Variants in GMDS observed in about 807,000 individuals in gnomAD.
GMDS encodes the protein GDP-mannose 4,6-dehydratase, also known as GDP-mannose 4,6 dehydratase.
GMDS carries 20 observed loss-of-function variants against 49.9 expected under a neutral mutation model. The observed-to-expected ratio is 0.40, with a 90% CI of 0.28 to 0.58. GMDS has a LOEUF of 0.58. Among genes scored for constraint, GMDS ranks in the 20% least tolerant of loss-of-function variants. GMDS has a pLI of 0.42. For missense variants in GMDS, 362 were observed against 481.4 expected, an observed-to-expected ratio of 0.75 and a Z score of 2.32; for synonymous variants, 177 against 178.6, an observed-to-expected ratio of 0.99 and a Z score of 0.07.
chr6:1,914,135 T>TG (rs1247068756), intron 7 of GMDS, among the ~76,000 whole-genome samples: 4 of 122,482 alleles, frequency 3.3e-5, no homozygotes, highest in Non-Finnish European at 6.9e-5. Context: ...TTGTTTGTTT[T>TG]TTTTTTTTTT....
At chr6:1,960,712 C>A in intron 5 of GMDS, 62 bp downstream of exon 5, 1 of 1,097,470 alleles carries the variant, frequency 9.1e-7, no homozygotes, top group Non-Finnish European at 1.3e-6. Flanking sequence ...AGGAAAAACA[C>A]ACACCCCCCA....
At chr6:1,832,432 A>T (rs1343339634) in intron 7 of GMDS, among the ~76,000 whole-genome samples, 2 of 152,010 alleles carry the variant, frequency 1.3e-5, no homozygotes, top group African/African-American at 4.8e-5. Flanking sequence ...TTAGAGATTA[A>T]TTTTTATTTG....
At chr6:2,114,018 C>G (rs549673470) in intron 4 of GMDS, among the ~76,000 whole-genome samples, 8 of 152,100 alleles carry the variant, frequency 5.3e-5, no homozygotes, top group Non-Finnish European at 1.0e-4. Flanking sequence ...CACACCAGAA[C>G]GATAACAAAA....
chr6:2,208,821 A>C (rs1222938669), intron 1 of GMDS, among the ~76,000 whole-genome samples: 1 of 151,544 alleles, frequency 6.6e-6, no homozygotes. Flanking sequence ...ATTATCACTA[A>C]CTGAATTCTA....
At chr6:1,770,185 C>A (rs1190636064) in intron 7 of GMDS, among the ~76,000 whole-genome samples, 1 of 152,192 alleles carries the variant, frequency 6.6e-6, no homozygotes, top group Non-Finnish European at 1.5e-5. Context: ...AGGATATCTT[C>A]TTCCCTGAGA....
intron 1 of GMDS, among the ~76,000 whole-genome samples, chr6:2,179,163 T>C (rs560890833): frequency 4.6e-5 from 7 of 152,262 alleles, no homozygotes; most frequent in Non-Finnish European, 8.8e-5. Context: ...TACAGAACAA[T>C]CCAACTTAAA....
At chr6:2,232,767 C>T (rs998938780) in intron 1 of GMDS, among the ~76,000 whole-genome samples, 10 of 152,132 alleles carry the variant, frequency 6.6e-5, no homozygotes, top group Non-Finnish European at 1.3e-4. Context: ...GCACCAGCGC[C>T]GGTGCAGGAC....
Position 1,959,983 on chromosome 6 carries a change from A to T in GMDS, c.539-12T>A. 1 of 1,527,604 alleles carries T rather than the reference A, an allele frequency of 6.5e-7. No individual in the cohort carries two copies. Among genetic ancestry groups the T allele is most frequent in the Non-Finnish European group, 9.0e-7 (1 of 1,112,324 alleles). 94.6% of individuals were successfully genotyped at this position (1,527,604 alleles called of 1,614,324 possible). A position where few individuals can be genotyped will look rare whatever the true frequency, so the allele number is the denominator to read the frequency against. The stretch of plus-strand genomic sequence containing the variant: ...GAGTTTTGCTGCCCCTGTTGGAATA[A>T]TTTTTTTTAAGCAATGAAGTTTGTT... On this transcript the variant is annotated splice_polypyrimidine_tract_variant and intron_variant, in intron 5 of 10. Transcript: ENST00000380815.
intron 1 of GMDS, among the ~76,000 whole-genome samples, chr6:2,127,628 C>A (rs1335108663): frequency 6.6e-6 from 1 of 152,230 alleles, no homozygotes; most frequent in African/African-American, 2.4e-5. Flanking sequence ...TGCCAGGCCT[C>A]TCGAGTGATA....
chr6:2,194,307 GA>G (rs1314848184), intron 1 of GMDS, among the ~76,000 whole-genome samples: 1 of 152,184 alleles, frequency 6.6e-6, no homozygotes, highest in African/African-American at 2.4e-5. Context: ...AAAGCAGAGA[GA>G]AATGGCATTA....
chr6:2,228,370 T>C (rs896534542), intron 1 of GMDS, among the ~76,000 whole-genome samples: 1 of 152,210 alleles, frequency 6.6e-6, no homozygotes, highest in South Asian at 2.1e-4. Context: ...TTCTTCAATA[T>C]ACACTCCAAA....
intron 9 of GMDS, among the ~76,000 whole-genome samples, chr6:1,686,186 C>T (rs1423641755): frequency 6.6e-6 from 1 of 152,194 alleles, no homozygotes; most frequent in Non-Finnish European, 1.5e-5. Flanking sequence ...GCCAGTTTCT[C>T]CTGCTCTGCA....
At chr6:2,219,735 T>A (rs375619639) in intron 1 of GMDS, among the ~76,000 whole-genome samples, 4 of 151,738 alleles carry the variant, frequency 2.6e-5, no homozygotes, top group South Asian at 2.1e-4. Context: ...CCAGAAACTT[T>A]AAAAAAAAAT....
At chr6:1,759,923 G>A (rs1030028830) in intron 7 of GMDS, among the ~76,000 whole-genome samples, 3 of 141,844 alleles carry the variant, frequency 2.1e-5, no homozygotes, top group Admixed American at 1.5e-4. Flanking sequence ...AACACCCTTC[G>A]GTTTCCATGG....
chr6:1,632,355 T>C (rs186996836), intron 9 of GMDS, among the ~76,000 whole-genome samples: 1 of 152,152 alleles, frequency 6.6e-6, no homozygotes, highest in South Asian at 2.1e-4. Context: ...ACATATTGTA[T>C]GATTTGCTGT....
intron 1 of GMDS, among the ~76,000 whole-genome samples, chr6:2,213,270 T>G (rs1347031859): frequency 6.6e-6 from 1 of 152,204 alleles, no homozygotes; most frequent in Non-Finnish European, 1.5e-5. Flanking sequence ...TGGTAGTTGG[T>G]GAAACCTGGC....
chr6:1,998,467 G>A (rs937788017), intron 4 of GMDS, among the ~76,000 whole-genome samples: 1 of 152,034 alleles, frequency 6.6e-6, no homozygotes, highest in African/African-American at 2.4e-5. Context: ...AAAGTATAGA[G>A]CAATAATTAC....
intron 4 of GMDS, among the ~76,000 whole-genome samples, chr6:2,063,741 G>A (rs1049033984): frequency 1.3e-5 from 2 of 152,094 alleles, no homozygotes; most frequent in East Asian, 1.9e-4. Context: ...CCAAGGTCTC[G>A]GCAGCCCTAA....
In GMDS at chr6:1,876,064, C is replaced by T. The variant is rs370821563; in HGVS notation, c.771+54039G>A. Among the ~76,000 whole-genome samples, 6 of 149,282 alleles carry T rather than the reference C, an allele frequency of 4.0e-5. 1 individual carries two copies. The East Asian group carries it at 9.9e-4, about 25-fold the overall frequency. ...AAAAAAAATGTGAGCATAAATAATG[C>T]AGTCTTCTACTATATCTTCATTTTA... On this transcript the variant is annotated intron_variant, in intron 7 of 10. Transcript: ENST00000380815.
Sources: allele counts gnomAD v4.1 joint callset (sites outside exome capture counted in the v4.1 genomes callset), GRCh38; gene constraint gnomAD v4.1.1; transcripts MANE v1.5; gene names NCBI Gene and HGNC (gene_info 2026-07-23, HGNC 2026-07-21).